DGKQ: variants seen among roughly 807,000 people sequenced by gnomAD.
DGKQ encodes the protein diacylglycerol kinase theta.
Under a neutral mutation model 104.2 loss-of-function variants are expected in DGKQ, and 97 were observed. That is an observed-to-expected ratio of 0.93 (90% CI 0.79 to 1.10). The LOEUF is 1.10. Ranked by LOEUF, DGKQ falls within the 50% of genes least tolerant of loss-of-function variation. DGKQ has a pLI of 0.00. For synonymous variants in DGKQ, 736 were observed against 595.2 expected (o/e 1.24, Z -3.44); for missense variants, 1,465 against 1,352.1 (o/e 1.08, Z -1.31).
At chr4:965,122 T>G (rs1712199580) in intron 15 of DGKQ, 54 bp downstream of exon 15, 1 of 1,487,012 alleles carries the variant, frequency 6.7e-7, no homozygotes, top group East Asian at 2.3e-5. Flanking sequence ...GACCCCGACC[T>G]CCCTCTGGCC....
At chr4:963,340 C>G in intron 15 of DGKQ, 50 bp from the exon 16 acceptor site, 2 of 1,545,764 alleles carry the variant, frequency 1.3e-6, no homozygotes, top group Non-Finnish European at 1.8e-6. Flanking sequence ...TGGGGTGTCC[C>G]CACTGCTGGG....
chr4:966,953 A>C lies in DGKQ; in HGVS notation c.1311+11T>G. On this transcript the variant is annotated intron_variant, in intron 10 of 22. Transcript: ENST00000273814. ...TCTGGCCGGCATGGGGAGCAGGCAC[A>C]GGGTACGCACCTGGCGGCCGAGCAG... The C allele has an allele frequency of 6.4e-7, 1 of 1,557,652 alleles. No individual in the cohort carries two copies. The highest frequency in any genetic ancestry group is 8.7e-7 in the Non-Finnish European group (1 of 1,152,826).
intron 2 of DGKQ, among the ~76,000 whole-genome samples, chr4:969,943 A>G (rs1712797665): frequency 6.6e-6 from 1 of 152,244 alleles, no homozygotes; most frequent in Non-Finnish European, 1.5e-5. Context: ...CCTATCATGC[A>G]TACAGTTGAA....
chr4:966,976 C>T lies in DGKQ; in HGVS notation c.1299G>A (p.Leu433=). 1 of 1,564,270 alleles carries T rather than the reference C, an allele frequency of 6.4e-7. No individual in the cohort carries two copies. The highest frequency in any genetic ancestry group is 8.6e-7 in the Non-Finnish European group (1 of 1,157,318). Residue 433 remains leucine (L), a synonymous_variant, in exon 10 of 23, where the codon CTG becomes CTA. Coordinates refer to ENST00000273814, the MANE Select transcript of DGKQ (RefSeq NM_001347.4). Reference sequence around the variant, plus strand: ...ACAGGGTACGCACCTGGCGGCCGAGCAGCGGCAGGACCTCCAGCACCACAG... The same window carrying T: ...ACAGGGTACGCACCTGGCGGCCGAGTAGCGGCAGGACCTCCAGCACCACAG... The part of the protein sequence containing the change: ...ARSVVLEVLP[L]LGRQAESPES...
intron 16 of DGKQ, 48 bp downstream of exon 16, chr4:963,091 C>A: frequency 6.4e-7 from 1 of 1,550,644 alleles, no homozygotes; most frequent in Admixed American, 1.9e-5. Flanking sequence ...TCCTGGGGCC[C>A]TTCCCGCCCC....
rs1303880380 is a variant in DGKQ, at chr4:962,599, G to A, written c.2050C>T (p.Arg684Ter). ...TAGCCCGCCCCCCAGCGGAGGACTC[G>A]ACCAAGGTCATTCCCTGGGACACAA... Reference protein sequence around the residue: ...LPLGTGNDLGRVLRWGAGYSG... With the variant: ...LPLGTGNDLG The change falls in exon 18 of 23, where the codon CGA becomes TGA. Residue 684 changes from arginine to a stop codon, truncating the protein, a stop_gained. Coordinates refer to ENST00000273814, the MANE Select transcript of DGKQ (RefSeq NM_001347.4). LOFTEE classifies it high-confidence loss of function. 6 of 1,608,070 alleles carry A rather than the reference G, an allele frequency of 3.7e-6. No homozygotes were observed. Among genetic ancestry groups the A allele is most frequent in the Admixed American group, 3.3e-5 (2 of 59,966 alleles).
In DGKQ at chr4:971,780, G is replaced by A. The variant is rs939962861; in HGVS notation, c.272-708C>T. On this transcript the variant is annotated intron_variant, in intron 1 of 22. Coordinates refer to ENST00000273814, the MANE Select transcript of DGKQ (RefSeq NM_001347.4). The surrounding 1 kb of genome is among the most constrained non-coding windows in gnomAD (Gnocchi z 4.0). ...GGCTGGGGCAAAGGCTGCGGGGGCT[G>A]GGAGTGGGCAGGGCACCCAGTGACA... is the stretch of plus-strand genomic sequence containing the variant. Among the ~76,000 whole-genome samples, 1 of 152,154 alleles carries A rather than the reference G, an allele frequency of 6.6e-6. No individual in the cohort carries two copies. Among genetic ancestry groups the A allele is most frequent in the African/African-American group, 2.4e-5 (1 of 41,446 alleles).
chr4:962,147 C>T, intron 18 of DGKQ, 65 bp from the exon 19 acceptor site: 2 of 1,398,386 alleles, frequency 1.4e-6, no homozygotes, highest in South Asian at 1.2e-5. Flanking sequence ...AGCTCCCCAA[C>T]AGCTCTGCCG....
Position 973,321 on chromosome 4 carries a change from GC to G in DGKQ, c.161del (p.Gly54AlafsTer13). On this transcript the variant is annotated frameshift_variant, in exon 1 of 23. Coordinates refer to ENST00000273814, the MANE Select transcript of DGKQ (RefSeq NM_001347.4). LOFTEE classifies it high-confidence loss of function. ...GPERAGVRAP[G>X]PAAAPGHSFR... is the part of the protein sequence containing the mutation. The stretch of plus-strand genomic sequence containing the variant: ...AGCTGTGTCCCGGCGCGGCAGCGGG[GC>G]CCGGGGCTCTGACGCCCGCCCGCTC... 1 of 1,453,602 alleles carries G rather than the reference GC, an allele frequency of 6.9e-7. No homozygotes were observed. The allele number at this position is 1,453,602 out of a possible 1,614,324, so 90.0% of individuals were successfully genotyped here.
intron 15 of DGKQ, among the ~76,000 whole-genome samples, chr4:963,718 G>C (rs375560909): frequency 1.3e-5 from 2 of 152,078 alleles, no homozygotes; most frequent in African/African-American, 4.8e-5. Flanking sequence ...GCGGCTCCCA[G>C]GCCACCGCCC....
rs566130086 is a variant in DGKQ at position 967,534 on chromosome 4, C to T, written c.987+15G>A. On this transcript the variant is annotated intron_variant, in intron 8 of 22. Coordinates refer to ENST00000273814, the MANE Select transcript of DGKQ (RefSeq NM_001347.4). ...CCTGGGAGGGGGCTCAGACCTCCCC[C>T]AGCCTCCCCCTTACCAGCACCTCCT... is the stretch of plus-strand genomic sequence containing the variant. 1.2e-6 allele frequency: 2 copies of T among 1,610,208 alleles called. No homozygotes were observed. Among genetic ancestry groups the T allele is most frequent in the East Asian group, 2.2e-5 (1 of 44,832 alleles).
intron 8 of DGKQ, 70 bp from the exon 9 acceptor site, chr4:967,431 G>A (rs1203757797): frequency 7.5e-7 from 1 of 1,331,928 alleles, no homozygotes; most frequent in African/African-American, 1.5e-5. Context: ...GGCAGGTCAT[G>A]GAGGGGGAGG....
At position 971,139 on chromosome 4, in the gene DGKQ, A is replaced by G; in HGVS notation, c.272-67T>C. On this transcript the variant is annotated intron_variant, in intron 1 of 22. Coordinates refer to ENST00000273814, the MANE Select transcript of DGKQ (RefSeq NM_001347.4). The surrounding 1 kb of genome is among the most constrained non-coding windows in gnomAD (Gnocchi z 4.0). Reference sequence around the variant, plus strand: ...CAATGGCTGTCCTACCCAGGAAGTTAGAGGCCCCAGGGCAATGACTGCCAT... The same window carrying G: ...CAATGGCTGTCCTACCCAGGAAGTTGGAGGCCCCAGGGCAATGACTGCCAT... 7.9e-7 allele frequency: 1 copy of G among 1,270,644 alleles called. No individual in the cohort carries two copies. 78.7% of individuals were successfully genotyped at this position (1,270,644 alleles called of 1,614,324 possible).
rs771034111 is a variant in DGKQ at position 962,798 on chromosome 4, G to C, written c.2009C>G (p.Ser670Cys). Reference sequence around the variant, plus strand: ...TGTGCCCAGGGGCAGGATGGCCACAGAAGGCTCCGGGCAGGCCAGTCGGTA... The same window carrying C: ...TGTGCCCAGGGGCAGGATGGCCACACAAGGCTCCGGGCAGGCCAGTCGGTA... Reference protein sequence around the residue: ...TRYRLACPEPSVAILPLGTGN... With the variant: ...TRYRLACPEPCVAILPLGTGN... The change falls in exon 17 of 23, where the codon TCT becomes TGT. Residue 670 changes from serine (S) to cysteine (C), a missense_variant. Transcript: ENST00000273814. The C allele has an allele frequency of 1.2e-6, 2 of 1,606,128 alleles. No individual in the cohort carries two copies. The highest frequency in any genetic ancestry group is 1.7e-6 in the Non-Finnish European group (2 of 1,177,294).
At chr4:960,837 C>A in intron 22 of DGKQ, 116 bp from the exon 23 acceptor site, 1 of 1,499,542 alleles carries the variant, frequency 6.7e-7, no homozygotes, top group Non-Finnish European at 8.9e-7. Flanking sequence ...CCCCATTTCA[C>A]GGAAGGGGAG....
rs1233493061 is a variant in DGKQ, at chr4:971,674, A to T, written c.272-602T>A. Among the ~76,000 whole-genome samples, 1 of 152,020 alleles carries T rather than the reference A, an allele frequency of 6.6e-6. No homozygotes were observed. Among genetic ancestry groups the T allele is most frequent in the Non-Finnish European group, 1.5e-5 (1 of 67,984 alleles). ...GAGCCGGCGGGGTGCTCAGGAGGGC[A>T]TAAGAGGAGCAAGCGCCACACCCCA... On this transcript the variant is annotated intron_variant, in intron 1 of 22. Coordinates refer to ENST00000273814, the MANE Select transcript of DGKQ (RefSeq NM_001347.4). The surrounding 1 kb of genome is among the most constrained non-coding windows in gnomAD (Gnocchi z 4.0).
Position 968,896 on chromosome 4 carries a change from G to A in DGKQ, c.366C>T (p.His122=). 1 of 1,594,392 alleles carries A rather than the reference G, an allele frequency of 6.3e-7. No homozygotes were observed. Among genetic ancestry groups the A allele is most frequent in the Non-Finnish European group, 8.6e-7 (1 of 1,167,952 alleles). Residue 122 remains histidine (H), a synonymous_variant, in exon 3 of 23, where the codon CAC becomes CAT. Coordinates refer to ENST00000273814, the MANE Select transcript of DGKQ (RefSeq NM_001347.4). ...TGTGGAGCCCCCGGGGGCCGAAGCA[G>A]TGGGCTACAGGAACCTGGTGGGGCA... The part of the protein sequence containing the change: ...APSLVRVPVA[H]CFGPRGLHKR...
At position 968,388 on chromosome 4, in the gene DGKQ, C is replaced by T. The variant is rs866426661; in HGVS notation, c.557G>A (p.Trp186Ter). Reference protein sequence around the residue: ...HQDHDTHHHHWREGNLPSGAR... With the variant: ...HQDHDTHHHH Reference sequence around the variant, plus strand: ...TCCCGAGGGCAGGTTCCCCTCCCGCCAGTGGTGGTGATGGGTGTCCTGCAG... The same window carrying T: ...TCCCGAGGGCAGGTTCCCCTCCCGCTAGTGGTGGTGATGGGTGTCCTGCAG... Residue 186 changes from tryptophan (W) to a stop codon, truncating the protein, a stop_gained, in exon 5 of 23, where the codon TGG becomes TAG. Coordinates refer to ENST00000273814, the MANE Select transcript of DGKQ (RefSeq NM_001347.4). LOFTEE classifies it high-confidence loss of function. 1 of 1,572,646 alleles carries T rather than the reference C, an allele frequency of 6.4e-7. No individual in the cohort carries two copies. Among genetic ancestry groups the T allele is most frequent in the Non-Finnish European group, 8.6e-7 (1 of 1,160,626 alleles).
At chr4:962,983 G>A in intron 16 of DGKQ, 63 bp from the exon 17 acceptor site, 1 of 1,548,290 alleles carries the variant, frequency 6.5e-7, no homozygotes, top group South Asian at 1.2e-5. Flanking sequence ...CACCCAGGCT[G>A]CCTCTTCCAA....
Sources: gnomAD v4.1 joint callset for allele counts (sites outside exome capture counted in the v4.1 genomes callset) on GRCh38, gnomAD v4.1.1 for gene constraint, Gnocchi (gnomAD v3.1) non-coding constraint, MANE v1.5 for transcripts, NCBI Gene and HGNC (gene_info 2026-07-23, HGNC 2026-07-21) for gene names.